DIAPH2: variants seen among roughly 807,000 people sequenced by gnomAD.
DIAPH2 encodes diaphanous related formin 2.
A neutral mutation model predicts 92.7 loss-of-function variants in DIAPH2; 35 were observed. The observed-to-expected ratio is 0.38, with a 90% CI of 0.29 to 0.50. DIAPH2 has a LOEUF of 0.50. Among genes scored for constraint, DIAPH2 ranks in the 20% least tolerant of loss-of-function variants. The probability of loss-of-function intolerance (pLI) is 0.94; values close to 1 mark genes in which losing one functional copy is unlikely to be tolerated. For synonymous variants in DIAPH2, 301 were observed against 280.4 expected, an observed-to-expected ratio of 1.07 and a Z score of -0.73; for missense variants, 701 against 819.5, an observed-to-expected ratio of 0.86 and a Z score of 1.77.
intron 19 of DIAPH2, among the ~76,000 whole-genome samples, chrX:97,082,342 A>C (rs1181185545): frequency 4.7e-5 from 5 of 107,525 alleles, no homozygotes; most frequent in Non-Finnish European, 7.7e-5. Context: ...ACTAGGGGCC[A>C]GGTGCAGTGG....
At chrX:96,762,838 T>TA (rs771431547) in intron 4 of DIAPH2, among the ~76,000 whole-genome samples, 1 of 111,297 alleles carries the variant, frequency 9.0e-6, no homozygotes, top group East Asian at 2.8e-4. Context: ...TATAGTACAT[T>TA]AAAAAAATCC....
intron 17 of DIAPH2, among the ~76,000 whole-genome samples, chrX:97,019,119 A>G (rs190802998): frequency 8.9e-6 from 1 of 112,006 alleles, no homozygotes; most frequent in Admixed American, 9.5e-5. Flanking sequence ...CTACCAAAGG[A>G]CATCTTGGTT....
intron 23 of DIAPH2, among the ~76,000 whole-genome samples, chrX:97,293,254 T>C (rs1014226474): frequency 2.2e-5 from 2 of 89,835 alleles, no homozygotes; most frequent in African/African-American, 4.2e-5. Context: ...TTTTTTTTTT[T>C]TTTTTTTTTT....
chrX:96,852,234 G>C (rs2065010744), intron 4 of DIAPH2, among the ~76,000 whole-genome samples: 1 of 112,124 alleles, frequency 8.9e-6, no homozygotes, highest in African/African-American at 3.2e-5. Context: ...CAATGTGGTA[G>C]GCACTGAACG....
rs758420127 is a variant in DIAPH2, at chrX:97,232,524, G to C, written c.2720-15191G>C. 1.3e-3 allele frequency among the ~76,000 whole-genome samples: 146 copies of C among 111,386 alleles called. 1 individual carries two copies. Among genetic ancestry groups the C allele is most frequent in the African/African-American group, 4.6e-3 (140 of 30,691 alleles). ...TTACAGGTGTGAGCCATCGCACCCG[G>C]CCCCTCTTTCTTTTCTCCCAAACTA... On this transcript the variant is annotated intron_variant, in intron 22 of 26. Transcript: ENST00000324765.
At chrX:96,981,541 C>G (rs2065997766) in intron 17 of DIAPH2, among the ~76,000 whole-genome samples, 1 of 112,064 alleles carries the variant, frequency 8.9e-6, no homozygotes, top group South Asian at 3.7e-4. Flanking sequence ...TGTGCCTTCA[C>G]TATATGCCAG....
rs2071604142 is a variant in DIAPH2 at position 97,603,083 on chromosome X, C to T, written c.*3766C>T. ...CAGCACTAGCCAAAGGTTGTCAAGA[C>T]ACACCCTTGGGCTTATCTACAGAGC... is the stretch of plus-strand genomic sequence containing the variant. On this transcript the variant is annotated 3_prime_UTR_variant, in exon 27 of 27. Transcript: ENST00000324765. 1.8e-5 allele frequency: 2 copies of T among 110,136 alleles called. No homozygotes were observed. The highest frequency in any genetic ancestry group is 1.9e-4 in the Admixed American group (2 of 10,275). 9.1% of individuals were successfully genotyped at this position (110,136 alleles called of 1,213,427 possible). A position where few individuals can be genotyped will look rare whatever the true frequency, so the allele number is the denominator to read the frequency against.
At chrX:97,004,981 G>A (rs2066170040) in intron 17 of DIAPH2, among the ~76,000 whole-genome samples, 1 of 111,598 alleles carries the variant, frequency 9.0e-6, no homozygotes, top group South Asian at 3.7e-4. Flanking sequence ...TGTTCCTTCT[G>A]TCTCTAGTTT....
intron 5 of DIAPH2, among the ~76,000 whole-genome samples, chrX:96,909,440 G>T (rs1411338774): frequency 9.0e-6 from 1 of 111,280 alleles, no homozygotes; most frequent in East Asian, 2.8e-4. Context: ...GTAAGTGCTT[G>T]GCTGGAGTTC....
At position 96,813,348 on chromosome X, in the gene DIAPH2, C is replaced by CT. The variant is rs1039795546; in HGVS notation, c.447+55101dup. 2.8e-3 allele frequency among the ~76,000 whole-genome samples: 280 copies of CT among 101,683 alleles called. 2 individuals carry two copies. The highest frequency in any genetic ancestry group is 0.016 in the Admixed American group (146 of 9,412). 88.3% of individuals were successfully genotyped at this position (101,683 alleles called of 115,157 possible). A position where few individuals can be genotyped will look rare whatever the true frequency, so the allele number is the denominator to read the frequency against. On this transcript the variant is annotated intron_variant, in intron 4 of 26. Coordinates refer to ENST00000324765, the MANE Select transcript of DIAPH2 (RefSeq NM_006729.5). Reference sequence around the variant, plus strand: ...ATCAGAGACTAGGATTGCAACTCCTCTTTTTTTTTTTGCTTTCCATTTGCT... The same window carrying CT: ...ATCAGAGACTAGGATTGCAACTCCTCTTTTTTTTTTTTGCTTTCCATTTGCT...
intron 23 of DIAPH2, among the ~76,000 whole-genome samples, chrX:97,303,417 C>T (rs2068722953): frequency 8.9e-6 from 1 of 111,962 alleles, no homozygotes; most frequent in Non-Finnish European, 1.9e-5. Flanking sequence ...GTGTTTTCCT[C>T]TGTTTCTTAG....
intron 21 of DIAPH2, among the ~76,000 whole-genome samples, chrX:97,119,282 G>T (rs1388334761): frequency 9.0e-6 from 1 of 111,247 alleles, no homozygotes; most frequent in Non-Finnish European, 1.9e-5. Flanking sequence ...TTTTCCTATG[G>T]ATGTGGCTTC....
At chrX:96,692,800 GC>G (rs1482675956) in intron 1 of DIAPH2, among the ~76,000 whole-genome samples, 3 of 111,972 alleles carry the variant, frequency 2.7e-5, no homozygotes, top group African/African-American at 9.7e-5. Context: ...TCTAGATAAA[GC>G]GTTCATATGA....
chrX:97,261,866 G>A (rs1209027420), intron 23 of DIAPH2, among the ~76,000 whole-genome samples: 1 of 111,349 alleles, frequency 9.0e-6, no homozygotes, highest in Non-Finnish European at 1.9e-5. Flanking sequence ...CCAAAGCTAG[G>A]TAGTACGTTC....
At chrX:97,160,223 C>A (rs765332384) in intron 22 of DIAPH2, among the ~76,000 whole-genome samples, 1 of 111,784 alleles carries the variant, frequency 8.9e-6, no homozygotes, top group African/African-American at 3.2e-5. Flanking sequence ...ACCAGACCAG[C>A]TTGATTCCCT....
intron 25 of DIAPH2, among the ~76,000 whole-genome samples, chrX:97,384,512 A>T: frequency 8.9e-6 from 1 of 112,021 alleles, no homozygotes. Flanking sequence ...AAATAGGGAA[A>T]GGCATCTTGC....
chrX:97,536,022 C>A (rs2071093228), intron 26 of DIAPH2, among the ~76,000 whole-genome samples: 2 of 111,642 alleles, frequency 1.8e-5, no homozygotes, highest in Non-Finnish European at 3.8e-5. Context: ...GTAAATGATA[C>A]AATTGCTTTA....
At chrX:97,437,761 TACACACACACACACACACAC>T (rs58161143) in intron 26 of DIAPH2, among the ~76,000 whole-genome samples, 1 of 95,731 alleles carries the variant, frequency 1.0e-5, no homozygotes, top group Non-Finnish European at 2.1e-5. Flanking sequence ...TACATGATTT[TACACACACACACACACACAC>T]ACACACACAC....
At chrX:96,847,928 A>T (rs1471430076) in intron 4 of DIAPH2, among the ~76,000 whole-genome samples, 2 of 111,737 alleles carry the variant, frequency 1.8e-5, no homozygotes, top group African/African-American at 6.5e-5. Context: ...ATATGATTCT[A>T]TATTACTTTT....
Sources: allele counts gnomAD v4.1 joint callset (sites outside exome capture counted in the v4.1 genomes callset), GRCh38; gene constraint gnomAD v4.1.1; transcripts MANE v1.5; gene names NCBI Gene and HGNC (gene_info 2026-07-23, HGNC 2026-07-21).